The following CPA3 variants were observed in gnomAD, a reference collection of about 807,000 sequenced individuals.
The protein encoded by CPA3 is mast cell carboxypeptidase A.
In CPA3, 52 loss-of-function variants were observed where a neutral mutation model predicts 55.8. The observed-to-expected ratio is 0.93, with a 90% confidence interval of 0.75 to 1.17. The LOEUF is 1.17. Ranked by LOEUF, CPA3 falls within the 50% of genes most tolerant of loss-of-function variation. CPA3 has a pLI of 0.00. For synonymous variants in CPA3, 179 were observed against 171.2 expected (o/e 1.05, Z -0.36); for missense variants, 547 against 509.1 (o/e 1.07, Z -0.72).
intron 9 of CPA3, among the ~76,000 whole-genome samples, chr3:148,885,747 G>T (rs1312077967): frequency 1.3e-5 from 2 of 152,024 alleles, no homozygotes; most frequent in African/African-American, 4.8e-5. Context: ...CTGAAAATAA[G>T]TTTCTCGTTT....
chr3:148,895,492 C>T (rs377248630), intron 10 of CPA3, among the ~76,000 whole-genome samples: 77 of 152,278 alleles, frequency 5.1e-4, no homozygotes, highest in African/African-American at 1.8e-3. Flanking sequence ...ATATTCTGCT[C>T]TGCCTCTATT....
chr3:148,886,693 T>TA (rs927803867), intron 10 of CPA3, among the ~76,000 whole-genome samples: 17 of 152,050 alleles, frequency 1.1e-4, no homozygotes, highest in South Asian at 2.1e-4. Context: ...AGACCTCATC[T>TA]AAAAAAAATC....
intron 6 of CPA3, among the ~76,000 whole-genome samples, chr3:148,880,735 T>C (rs759525134): frequency 3.3e-5 from 5 of 152,210 alleles, no homozygotes; most frequent in Non-Finnish European, 7.4e-5. Flanking sequence ...ATTTTCTCTT[T>C]CTGTCAGCTT....
chr3:148,879,828 A>T lies in CPA3; in HGVS notation c.515A>T (p.Asp172Val). The T allele has an allele frequency of 6.2e-7, 1 of 1,612,628 alleles. No homozygotes were observed. Among genetic ancestry groups the T allele is most frequent in the Non-Finnish European group, 8.5e-7 (1 of 1,178,812 alleles). Residue 172 changes from aspartate to valine, a missense_variant, in exon 6 of 11, where the codon GAT becomes GTT. By Grantham distance (152) the Asp-to-Val change is radical (BLOSUM62 -3). Transcript: ENST00000296046. ...GAAAGAAGAAAGGCTATTTTTACGG[A>T]TTGTGGCATTCACGCACGAGAATGG... is the stretch of plus-strand genomic sequence containing the variant. ...KNERRKAIFT[D>V]CGIHAREWVS...
intron 10 of CPA3, among the ~76,000 whole-genome samples, chr3:148,891,588 CTT>C (rs1714674379): frequency 6.6e-6 from 1 of 151,844 alleles, no homozygotes; most frequent in Non-Finnish European, 1.5e-5. Flanking sequence ...TACTTTATGA[CTT>C]GATATAGTTT....
At chr3:148,877,719 A>G (rs1025976934) in intron 3 of CPA3, among the ~76,000 whole-genome samples, 11 of 152,184 alleles carry the variant, frequency 7.2e-5, no homozygotes, top group African/African-American at 2.7e-4. Flanking sequence ...TCTAATGTGA[A>G]GATTAAATGA....
intron 6 of CPA3, among the ~76,000 whole-genome samples, chr3:148,880,271 G>A (rs6762776): frequency 0.56 from 85,232 of 151,518 alleles, 24,260 homozygotes; most frequent in Middle Eastern, 0.62. Flanking sequence ...TACATTGGCC[G>A]CACATGTACT....
intron 3 of CPA3, among the ~76,000 whole-genome samples, chr3:148,876,955 T>C (rs1714222049): frequency 6.6e-6 from 1 of 152,212 alleles, no homozygotes; most frequent in Non-Finnish European, 1.5e-5. Context: ...TTAAACCTTC[T>C]GAGCACTAAC....
At chr3:148,870,403 A>G (rs1714030983) in intron 3 of CPA3, among the ~76,000 whole-genome samples, 1 of 152,132 alleles carries the variant, frequency 6.6e-6, no homozygotes, top group Non-Finnish European at 1.5e-5. Flanking sequence ...ACTGCTCACC[A>G]TAAACTTGAT....
In CPA3 at chr3:148,881,399, G is replaced by A. The variant is rs1216460654; in HGVS notation, c.577-123G>A. On this transcript the variant is annotated intron_variant, in intron 6 of 10. Transcript: ENST00000296046. The stretch of plus-strand genomic sequence containing the variant: ...ATTGTTTATTTTTGTTCATTTTAGG[G>A]AAAATATGCTTGAAAACATGTGACC... The A allele has an allele frequency of 6.8e-6, 4 of 589,528 alleles. No homozygotes were observed. The Admixed American group carries it at 1.3e-4, about 19-fold the overall frequency. 36.5% of individuals were successfully genotyped at this position (589,528 alleles called of 1,614,324 possible).
intron 2 of CPA3, among the ~76,000 whole-genome samples, chr3:148,866,238 A>G (rs932961184): frequency 6.6e-6 from 1 of 152,222 alleles, no homozygotes; most frequent in African/African-American, 2.4e-5. Flanking sequence ...TGGGTCTGGG[A>G]TTTATTCCAG....
At chr3:148,872,862 A>T (rs564672728) in intron 3 of CPA3, among the ~76,000 whole-genome samples, 22 of 152,280 alleles carry the variant, frequency 1.4e-4, no homozygotes, top group South Asian at 4.2e-4. Context: ...GTCCCACTGA[A>T]GCCATGCATT....
At chr3:148,890,390 A>G (rs78336357) in intron 10 of CPA3, among the ~76,000 whole-genome samples, 29,592 of 152,160 alleles carry the variant, frequency 0.19, 3,253 homozygotes, top group South Asian at 0.28. Context: ...AGTTAATTTC[A>G]AAGTACATTT....
chr3:148,896,390 C>T (rs994724781), intron 10 of CPA3, 130 bp from the exon 11 acceptor site: 1 of 678,538 alleles, frequency 1.5e-6, no homozygotes, highest in African/African-American at 1.8e-5. Flanking sequence ...CAGACCACTA[C>T]TCTCATTCAT....
chr3:148,868,840 G>T, intron 2 of CPA3, 75 bp from the exon 3 acceptor site: 1 of 1,534,884 alleles, frequency 6.5e-7, no homozygotes, highest in South Asian at 1.2e-5. Flanking sequence ...TGGTGTATGA[G>T]ACATGATCAT....
chr3:148,887,961 T>C (rs962871022), intron 10 of CPA3, among the ~76,000 whole-genome samples: 8 of 152,186 alleles, frequency 5.3e-5, no homozygotes, highest in African/African-American at 1.9e-4. Flanking sequence ...TGCATCACTC[T>C]CTAGACCAAA....
intron 3 of CPA3, among the ~76,000 whole-genome samples, chr3:148,875,801 A>G (rs905912749): frequency 1.3e-5 from 2 of 152,210 alleles, no homozygotes; most frequent in African/African-American, 4.8e-5. Context: ...GCAACCATAC[A>G]TCAACGGACA....
In CPA3 at chr3:148,897,019, T is replaced by G. The variant is rs940680040; in HGVS notation, c.*312T>G. 3 of 207,852 alleles carry G rather than the reference T, an allele frequency of 1.4e-5. No homozygotes were observed. Among genetic ancestry groups the G allele is most frequent in the African/African-American group, 6.9e-5 (3 of 43,704 alleles). 12.9% of individuals were successfully genotyped at this position (207,852 alleles called of 1,614,324 possible). ...ATGAAAACCTTCAGTTTCTCACAGA[T>G]TTTCACCATGTGGCTTCATCAATTT... On this transcript the variant is annotated 3_prime_UTR_variant, in exon 11 of 11. Transcript: ENST00000296046.
chr3:148,883,484 G>A (rs1714429814), intron 8 of CPA3, 129 bp from the exon 9 acceptor site: 1 of 690,070 alleles, frequency 1.4e-6, no homozygotes, highest in African/African-American at 1.8e-5. Flanking sequence ...AAGAGACATT[G>A]AAGCAGCCCT....
Sources: allele counts gnomAD v4.1 joint callset (sites outside exome capture counted in the v4.1 genomes callset), GRCh38; gene constraint gnomAD v4.1.1; transcripts MANE v1.5; gene names NCBI Gene and HGNC (gene_info 2026-07-23, HGNC 2026-07-21).